The following GPC6 variants were observed in gnomAD, a reference collection of about 807,000 sequenced individuals.
GPC6 encodes glypican-6.
GPC6 carries 14 observed loss-of-function variants against 55.2 expected under a neutral mutation model. That is an observed-to-expected ratio of 0.25 (90% CI 0.17 to 0.40). GPC6 has a LOEUF of 0.40. Ranked by LOEUF, GPC6 falls within the 10% of genes least tolerant of loss-of-function variation. The pLI, the probability that GPC6 is intolerant of heterozygous loss-of-function variation, is 1.00. For synonymous variants in GPC6, 278 were observed against 259.6 expected (o/e 1.07, Z -0.68); for missense variants, 641 against 708.5 (o/e 0.90, Z 1.08).
chr13:93,229,225 T>G (rs1019334471), intron 1 of GPC6, among the ~76,000 whole-genome samples: 1 of 151,160 alleles, frequency 6.6e-6, no homozygotes, highest in African/African-American at 2.4e-5. Context: ...TTTAATTAAT[T>G]GATAAGGATC....
chr13:94,242,203 A>G (rs1891075466), intron 4 of GPC6, among the ~76,000 whole-genome samples: 1 of 152,052 alleles, frequency 6.6e-6, no homozygotes, highest in South Asian at 2.1e-4. Flanking sequence ...TTTACTGAGA[A>G]TGATGGTTTC....
chr13:93,583,852 G>C (rs1205227120), intron 2 of GPC6, among the ~76,000 whole-genome samples: 1 of 152,170 alleles, frequency 6.6e-6, no homozygotes, highest in Non-Finnish European at 1.5e-5. Flanking sequence ...AGAACTGATA[G>C]GGCAGTTTTG....
At chr13:93,695,457 T>G (rs533927372) in intron 2 of GPC6, among the ~76,000 whole-genome samples, 3 of 152,012 alleles carry the variant, frequency 2.0e-5, no homozygotes, top group Admixed American at 1.3e-4. Flanking sequence ...ATATTATAAT[T>G]TAAATATTTA....
At chr13:93,851,024 T>C (rs1888373779) in intron 3 of GPC6, among the ~76,000 whole-genome samples, 1 of 152,028 alleles carries the variant, frequency 6.6e-6, no homozygotes, top group Non-Finnish European at 1.5e-5. Context: ...TCTTTGAATA[T>C]GGCTTGAGAA....
intron 6 of GPC6, among the ~76,000 whole-genome samples, chr13:94,373,260 T>G (rs2139195578): frequency 6.6e-6 from 1 of 151,896 alleles, no homozygotes; most frequent in South Asian, 2.1e-4. Flanking sequence ...ACGATCAAAT[T>G]ACTCTGAGCT....
At chr13:94,294,702 G>T (rs1349583127) in intron 5 of GPC6, among the ~76,000 whole-genome samples, 1 of 151,868 alleles carries the variant, frequency 6.6e-6, no homozygotes, top group Non-Finnish European at 1.5e-5. Context: ...AAATTCAGAT[G>T]GAGAGAATAT....
At chr13:93,542,770 T>A (rs886801744) in intron 1 of GPC6, among the ~76,000 whole-genome samples, 93 of 152,310 alleles carry the variant, frequency 6.1e-4, no homozygotes, top group Admixed American at 1.6e-3. Flanking sequence ...CTAGGTATTT[T>A]ATTCTCTTTG....
chr13:94,025,077 A>G (rs1341342700), intron 3 of GPC6, among the ~76,000 whole-genome samples: 1 of 152,226 alleles, frequency 6.6e-6, no homozygotes, highest in Non-Finnish European at 1.5e-5. Context: ...TATATCCCCA[A>G]TATTGGCAAA....
intron 1 of GPC6, among the ~76,000 whole-genome samples, chr13:93,305,382 T>G (rs1468740606): frequency 6.6e-6 from 1 of 152,168 alleles, no homozygotes; most frequent in Non-Finnish European, 1.5e-5. Context: ...CTCAGTTTGC[T>G]GTCGTACTGG....
chr13:93,233,218 G>A (rs1007025250), intron 1 of GPC6, among the ~76,000 whole-genome samples: 1 of 151,976 alleles, frequency 6.6e-6, no homozygotes, highest in Non-Finnish European at 1.5e-5. Context: ...TTGTAATAAA[G>A]GGTTCCATAG....
intron 5 of GPC6, 48 bp from the exon 6 acceptor site, chr13:94,305,932 G>C: frequency 2.5e-6 from 4 of 1,583,542 alleles, no homozygotes; most frequent in Non-Finnish European, 3.5e-6. Flanking sequence ...ATGAATTTAG[G>C]AGAAAACTCA....
At chr13:93,258,859 A>T (rs559685493) in intron 1 of GPC6, among the ~76,000 whole-genome samples, 10 of 152,256 alleles carry the variant, frequency 6.6e-5, no homozygotes, top group African/African-American at 2.2e-4. Context: ...CTTAGCTGGG[A>T]GGATCCCTTG....
intron 1 of GPC6, among the ~76,000 whole-genome samples, chr13:93,393,131 G>T (rs938696967): frequency 0.23 from 13,342 of 58,702 alleles, 599 homozygotes; most frequent in Admixed American, 0.27. Context: ...TATATATAGA[G>T]AGAGAGAGAG....
chr13:94,006,865 A>T (rs766438741), intron 3 of GPC6, among the ~76,000 whole-genome samples: 15 of 152,178 alleles, frequency 9.9e-5, no homozygotes, highest in Admixed American at 6.5e-5. Context: ...CTGTATAAAG[A>T]ACTATTACTG....
intron 3 of GPC6, among the ~76,000 whole-genome samples, chr13:93,932,468 G>A (rs879859301): frequency 2.6e-4 from 39 of 152,152 alleles, no homozygotes; most frequent in Non-Finnish European, 2.2e-4. Flanking sequence ...ATTGCCATTA[G>A]CATTACTTTT....
intron 1 of GPC6, among the ~76,000 whole-genome samples, chr13:93,482,523 T>C (rs1879557246): frequency 6.6e-6 from 1 of 152,176 alleles, no homozygotes; most frequent in Non-Finnish European, 1.5e-5. Flanking sequence ...ATGCAGTTTA[T>C]ATTAATCAAA....
In GPC6 at chr13:93,469,604, T is replaced by C. The variant is rs75986932; in HGVS notation, c.161-75659T>C. The stretch of plus-strand genomic sequence containing the variant: ...ATGGTTGCAATGAAAGAAATTATGT[T>C]TGGACTCATCAGCACCAATGTTTGT... On this transcript the variant is annotated intron_variant, in intron 1 of 8. Coordinates refer to ENST00000377047, the MANE Select transcript of GPC6 (RefSeq NM_005708.5). Among the ~76,000 whole-genome samples, 335 of 152,232 alleles carry C rather than the reference T, an allele frequency of 2.2e-3. 7 individuals carry two copies. In the East Asian group the frequency reaches 0.048, roughly 22 times the overall value.
chr13:93,629,057 A>AAC (rs397950104), intron 2 of GPC6, among the ~76,000 whole-genome samples: 107 of 151,448 alleles, frequency 7.1e-4, no homozygotes, highest in Middle Eastern at 3.4e-3. Context: ...AACAAAAAAA[A>AAC]CTGACTTTTA....
intron 1 of GPC6, among the ~76,000 whole-genome samples, chr13:93,421,055 A>C (rs1284365981): frequency 1.3e-5 from 2 of 152,104 alleles, no homozygotes; most frequent in African/African-American, 2.4e-5. Context: ...CCAGGCATAA[A>C]ACAACAACAT....
Sources: gnomAD v4.1 joint callset for allele counts (sites outside exome capture counted in the v4.1 genomes callset) on GRCh38, gnomAD v4.1.1 for gene constraint, MANE v1.5 for transcripts, NCBI Gene and HGNC (gene_info 2026-07-23, HGNC 2026-07-21) for gene names.